Variants in ATP4B observed in about 807,000 individuals in gnomAD.
ATP4B encodes the protein potassium-transporting ATPase subunit beta.
ATP4B carries 27 observed loss-of-function variants against 35.3 expected under a neutral mutation model. The observed-to-expected ratio is 0.76, with a 90% CI of 0.56 to 1.05. The LOEUF is 1.05. ATP4B is among the 50% of genes least tolerant of loss of function. The pLI, the probability that ATP4B is intolerant of heterozygous loss-of-function variation, is 0.00. For missense variants in ATP4B, 375 were observed against 384.8 expected, an observed-to-expected ratio of 0.97 and a Z score of 0.21; for synonymous variants, 162 against 156.0, an observed-to-expected ratio of 1.04 and a Z score of -0.29.
rs370112490 is a variant in ATP4B at position 113,657,994 on chromosome 13, C to A, written c.112+39G>T. 1.0e-4 allele frequency: 156 copies of A among 1,522,760 alleles called. 1 individual carries two copies. The African/African-American group carries it at 2.0e-3, about 19-fold the overall frequency. The allele number at this position is 1,522,760 out of a possible 1,614,324, so 94.3% of individuals were successfully genotyped here. A position where few individuals can be genotyped will look rare whatever the true frequency, so the allele number is the denominator to read the frequency against. On this transcript the variant is annotated intron_variant, in intron 1 of 6. Coordinates refer to ENST00000335288, the MANE Select transcript of ATP4B (RefSeq NM_000705.4). Reference sequence around the variant, plus strand: ...CTGGAGGCTGCGTCCTCAGAGCGGCCCCCTCCATGCACCCAGCCGGCCCGC... The same window carrying A: ...CTGGAGGCTGCGTCCTCAGAGCGGCACCCTCCATGCACCCAGCCGGCCCGC...
Position 113,658,189 on chromosome 13 carries a change from C to G in ATP4B, c.-45G>C. On this transcript the variant is annotated 5_prime_UTR_variant, in exon 1 of 7. Coordinates refer to ENST00000335288, the MANE Select transcript of ATP4B (RefSeq NM_000705.4). The stretch of plus-strand genomic sequence containing the variant: ...TCCCGTCTGCTCCCTGCACCCTCTA[C>G]GCCCAGACTGAGGCCAGATGCCCAC... 1 of 1,556,976 alleles carries G rather than the reference C, an allele frequency of 6.4e-7. No individual in the cohort carries two copies. Among genetic ancestry groups the G allele is most frequent in the South Asian group, 1.2e-5 (1 of 86,798 alleles).
rs186455456 is a variant in ATP4B, at chr13:113,658,024, C to T, written c.112+9G>A. On this transcript the variant is annotated intron_variant, in intron 1 of 6. Transcript: ENST00000335288. ...CCATGCACCCAGCCGGCCCGCCCCC[C>T]GCACGTACCCCACCGGGACAGGGTG... 6.3e-4 allele frequency: 996 copies of T among 1,591,188 alleles called. 4 individuals are homozygous for T. The African/African-American group carries it at 0.012, about 19-fold the overall frequency.
Position 113,654,957 on chromosome 13 carries a change from A to G in ATP4B, c.113-15T>C, listed in dbSNP as rs1433820203. The G allele has an allele frequency of 8.7e-6, 14 of 1,613,376 alleles. No individual in the cohort carries two copies. The highest frequency in any genetic ancestry group is 2.7e-5 in the African/African-American group (2 of 74,938). On this transcript the variant is annotated splice_polypyrimidine_tract_variant and intron_variant, in intron 1 of 6. Coordinates refer to ENST00000335288, the MANE Select transcript of ATP4B (RefSeq NM_000705.4). ...GCTGATCCACACTGCGACACAAGGC[A>G]GGCACAAAATTTACCACGTCAGCCA...
Position 113,650,066 on chromosome 13 carries a change from G to C in ATP4B, c.714+340C>G, listed in dbSNP as rs1000160201. Among the ~76,000 whole-genome samples the C allele has an allele frequency of 6.6e-6, 1 of 152,074 alleles. No individual in the cohort carries two copies. Among genetic ancestry groups the C allele is most frequent in the Non-Finnish European group, 1.5e-5 (1 of 68,016 alleles). On this transcript the variant is annotated intron_variant, in intron 6 of 6. Coordinates refer to ENST00000335288, the MANE Select transcript of ATP4B (RefSeq NM_000705.4). The surrounding 1 kb of genome is among the most constrained non-coding windows in gnomAD (Gnocchi z 5.0). ...TGGTCTCAGCTACTTAGGAGGCTGA[G>C]GTGGGAGGATCACTTGAGCCCAGGT...
At chr13:113,652,661 G>T in intron 4 of ATP4B, 1 of 673,750 alleles carries the variant, frequency 1.5e-6, no homozygotes, top group Non-Finnish European at 2.7e-6. Context: ...GGCCGGCTAT[G>T]TGCTGGTGTC....
chr13:113,651,937 C>A (rs1277724072), intron 4 of ATP4B, among the ~76,000 whole-genome samples: 3 of 152,326 alleles, frequency 2.0e-5, no homozygotes, highest in South Asian at 2.1e-4. Flanking sequence ...GCCCTCCCCC[C>A]ACCCACCCAT....
rs538127760 is a variant in ATP4B, at chr13:113,658,167, C to T, written c.-23G>A. ...CATCGTCCCTGGCCTGAGATCCTCC[C>T]GTCTGCTCCCTGCACCCTCTACGCC... On this transcript the variant is annotated 5_prime_UTR_variant, in exon 1 of 7. Transcript: ENST00000335288. 76 of 1,599,364 alleles carry T rather than the reference C, an allele frequency of 4.8e-5. 2 individuals are homozygous for T. In the South Asian group the frequency reaches 6.3e-4, roughly 13 times the overall value.
Position 113,650,262 on chromosome 13 carries a change from AAC to A in ATP4B, c.714+142_714+143del, listed in dbSNP as rs2049701394. ...TAGATACAAGAACCTGGGCTTGGGA[AAC>A]ACGCAGAACGTTCCAGTCAGGACCG... is the stretch of plus-strand genomic sequence containing the variant. On this transcript the variant is annotated intron_variant, in intron 6 of 6. Transcript: ENST00000335288. This position sits in a 1 kb window ranked among gnomAD's most constrained non-coding sequence, Gnocchi z 5.0. 1.4e-6 allele frequency: 1 copy of A among 734,530 alleles called. No individual in the cohort carries two copies. The highest frequency in any genetic ancestry group is 2.3e-6 in the Non-Finnish European group (1 of 427,168). The allele number at this position is 734,530 out of a possible 1,614,324, so 45.5% of individuals were successfully genotyped here.
intron 5 of ATP4B, 36 bp downstream of exon 5, chr13:113,651,635 C>G (rs1388982888): frequency 3.8e-6 from 6 of 1,561,770 alleles, no homozygotes; most frequent in Non-Finnish European, 5.2e-6. Flanking sequence ...AGCTCCTTTC[C>G]TGGGGCAGCC....
rs1350191042 is a variant in ATP4B at position 113,648,828 on chromosome 13, A to T, written c.*546T>A. 1 of 152,150 alleles carries T rather than the reference A, an allele frequency of 6.6e-6. No homozygotes were observed. The highest frequency in any genetic ancestry group is 2.4e-5 in the African/African-American group (1 of 41,416). The allele number at this position is 152,150 out of a possible 1,614,324, so 9.4% of individuals were successfully genotyped here. On this transcript the variant is annotated 3_prime_UTR_variant, in exon 7 of 7. Transcript: ENST00000335288. ...ATTTTTAAGGAAGCGTTTGGTTTTT[A>T]TTTAATTTCTCCCATATCAGGAAAC...
In ATP4B at chr13:113,650,530, T is replaced by C. The variant is rs1365286282; in HGVS notation, c.613-23A>G. 2 of 1,595,292 alleles carry C rather than the reference T, an allele frequency of 1.3e-6. No individual in the cohort carries two copies. Among genetic ancestry groups the C allele is most frequent in the African/African-American group, 1.3e-5 (1 of 74,522 alleles). ...GTCCTGGGGAGGAGAGGCCACTGCC[T>C]GAGTCAGGCGGGAGCTGGTGTGTGC... On this transcript the variant is annotated intron_variant, in intron 5 of 6. Coordinates refer to ENST00000335288, the MANE Select transcript of ATP4B (RefSeq NM_000705.4). The surrounding 1 kb of genome is among the most constrained non-coding windows in gnomAD (Gnocchi z 5.0).
In ATP4B at chr13:113,654,868, T is replaced by C; in HGVS notation, c.187A>G (p.Met63Val). 6.2e-7 allele frequency: 1 copy of C among 1,614,184 alleles called. No individual in the cohort carries two copies. Among genetic ancestry groups the C allele is most frequent in the Non-Finnish European group, 8.5e-7 (1 of 1,180,048 alleles). ...GGTGTGTACGGGTCCACTGTCTGCA[T>C]CAGCACATAGAGGCACAGGGCGAAG... is the stretch of plus-strand genomic sequence containing the variant. The part of the protein sequence containing the change: ...GLFALCLYVL[M>V]QTVDPYTPDY... Residue 63 changes from methionine (M) to valine (V), a missense_variant, in exon 2 of 7, where the codon ATG becomes GTG. Coordinates refer to ENST00000335288, the MANE Select transcript of ATP4B (RefSeq NM_000705.4).
intron 2 of ATP4B, 61 bp downstream of exon 2, chr13:113,654,753 A>T (rs1466968921): frequency 8.1e-5 from 127 of 1,574,464 alleles, no homozygotes; most frequent in Non-Finnish European, 8.8e-5. Context: ...GCGTCTCCAG[A>T]GCCGAGGAGG....
chr13:113,653,583 C>A, intron 2 of ATP4B, 149 bp from the exon 3 acceptor site: 1 of 643,682 alleles, frequency 1.6e-6, no homozygotes, highest in Non-Finnish European at 2.7e-6. Flanking sequence ...GAAGGAAGGA[C>A]CCCCAGGACA....
intron 1 of ATP4B, among the ~76,000 whole-genome samples, chr13:113,655,540 C>A (rs765474575): frequency 2.6e-5 from 4 of 152,228 alleles, no homozygotes; most frequent in Non-Finnish European, 4.4e-5. Context: ...CTCCTGTGAG[C>A]TTCCCCTGCA....
intron 4 of ATP4B, among the ~76,000 whole-genome samples, chr13:113,651,928 C>T (rs10161594): frequency 6.6e-6 from 1 of 152,064 alleles, no homozygotes; most frequent in Non-Finnish European, 1.5e-5. Context: ...AGAGCCACAG[C>T]CCTCCCCCCA....
chr13:113,657,574 C>A (rs1343754342), intron 1 of ATP4B, among the ~76,000 whole-genome samples: 1 of 152,234 alleles, frequency 6.6e-6, no homozygotes, highest in Non-Finnish European at 1.5e-5. Context: ...CTGGTTTACT[C>A]CCCACCTCCG....
chr13:113,652,132 C>T (rs964551165), intron 4 of ATP4B, among the ~76,000 whole-genome samples: 1 of 152,224 alleles, frequency 6.6e-6, no homozygotes, highest in Admixed American at 6.5e-5. Context: ...GGCCTTCAGC[C>T]CCCTTCCCCA....
At chr13:113,655,918 C>A (rs1483759395) in intron 1 of ATP4B, among the ~76,000 whole-genome samples, 1 of 152,238 alleles carries the variant, frequency 6.6e-6, no homozygotes, top group Non-Finnish European at 1.5e-5. Context: ...GGCCTGTGGA[C>A]TGCCTGCCCT....
Sources: allele counts gnomAD v4.1 joint callset (sites outside exome capture counted in the v4.1 genomes callset), GRCh38; gene constraint gnomAD v4.1.1; non-coding constraint Gnocchi (gnomAD v3.1); transcripts MANE v1.5; gene names NCBI Gene and HGNC (gene_info 2026-07-23, HGNC 2026-07-21).